DKK2: variants seen among roughly 807,000 people sequenced by gnomAD.
The protein encoded by DKK2 is dickkopf Wnt signaling pathway inhibitor 2.
A neutral mutation model predicts 28.1 loss-of-function variants in DKK2; 11 were observed. The observed-to-expected ratio is 0.39, with a 90% CI of 0.25 to 0.65. The LOEUF is 0.65. Ranked by LOEUF, DKK2 falls within the 30% of genes least tolerant of loss-of-function variation. The pLI, the probability that DKK2 is intolerant of heterozygous loss-of-function variation, is 0.47. For synonymous variants in DKK2, 135 were observed against 126.5 expected, an observed-to-expected ratio of 1.07 and a Z score of -0.45; for missense variants, 326 against 335.5, an observed-to-expected ratio of 0.97 and a Z score of 0.22.
intron 1 of DKK2, among the ~76,000 whole-genome samples, chr4:107,031,904 T>C (rs1260637855): frequency 6.6e-6 from 1 of 151,952 alleles, no homozygotes; most frequent in Admixed American, 6.5e-5. Flanking sequence ...AGAGATAGTA[T>C]CGAGAAATGG....
intron 1 of DKK2, among the ~76,000 whole-genome samples, chr4:106,979,280 G>A (rs565451892): frequency 6.6e-6 from 1 of 151,930 alleles, no homozygotes; most frequent in Non-Finnish European, 1.5e-5. Flanking sequence ...ACCACACAAG[G>A]TACATACTGC....
At position 106,966,591 on chromosome 4, in the gene DKK2, C is replaced by G. The variant is rs144788053; in HGVS notation, c.223-40642G>C. ...GTTATAAGCCCCTGGGTTCTCTTTT[C>G]TTTAAACAATAGGCATCTTAATGAA... On this transcript the variant is annotated intron_variant, in intron 1 of 3. Coordinates refer to ENST00000285311, the MANE Select transcript of DKK2 (RefSeq NM_014421.3). 1.2e-3 allele frequency among the ~76,000 whole-genome samples: 188 copies of G among 152,248 alleles called. 1 individual carries two copies. The highest frequency in any genetic ancestry group is 4.4e-3 in the African/African-American group (181 of 41,544).
At chr4:106,957,223 G>A (rs1427845082) in intron 1 of DKK2, among the ~76,000 whole-genome samples, 3 of 151,584 alleles carry the variant, frequency 2.0e-5, no homozygotes, top group Admixed American at 2.0e-4. Flanking sequence ...ACACCAGTTA[G>A]AATGGCAATC....
chr4:106,964,425 A>G (rs1722737091), intron 1 of DKK2, among the ~76,000 whole-genome samples: 1 of 152,142 alleles, frequency 6.6e-6, no homozygotes, highest in South Asian at 2.1e-4. Flanking sequence ...GACAGAAGAA[A>G]TAAGATCTAA....
intron 1 of DKK2, among the ~76,000 whole-genome samples, chr4:106,994,122 C>T (rs1723240166): frequency 6.6e-6 from 1 of 152,214 alleles, no homozygotes; most frequent in Non-Finnish European, 1.5e-5. Flanking sequence ...CCAACAGACA[C>T]TGTATTTAGC....
At position 106,924,626 on chromosome 4, in the gene DKK2, G is replaced by C. The variant is rs1254069801; in HGVS notation, c.448C>G (p.Arg150Gly). ...PALDGTRHRD[R>G]NHGHYSNHDL... The stretch of plus-strand genomic sequence containing the variant: ...TGGTTTGAGTAATGACCGTGGTTTC[G>C]ATCTCTGTGCCGAGTACCATCCAGA... Residue 150 changes from arginine (R) to glycine (G), a missense_variant, in exon 3 of 4, where the codon CGA (arginine) becomes GGA (glycine). By Grantham distance (125) the Arg-to-Gly change is moderately radical (BLOSUM62 -2). Transcript: ENST00000285311. 2 of 1,613,672 alleles carry C rather than the reference G, an allele frequency of 1.2e-6. No individual in the cohort carries two copies. The highest frequency in any genetic ancestry group is 3.3e-5 in the Admixed American group (2 of 59,970).
rs750539004 is a variant in DKK2 at position 107,035,859 on chromosome 4, T to C, written c.-268A>G. 44 of 510,676 alleles carry C rather than the reference T, an allele frequency of 8.6e-5. 1 individual carries two copies. Among genetic ancestry groups the C allele is most frequent in the Non-Finnish European group, 1.4e-4 (41 of 283,120 alleles). 31.6% of individuals were successfully genotyped at this position (510,676 alleles called of 1,614,324 possible). A position where few individuals can be genotyped will look rare whatever the true frequency, so the allele number is the denominator to read the frequency against. Reference sequence around the variant, plus strand: ...GGAAGCAATCAAATGCGAGGCGCTTTCTCGCCAAGGAGGCGTGACCCAAGG... The same window carrying C: ...GGAAGCAATCAAATGCGAGGCGCTTCCTCGCCAAGGAGGCGTGACCCAAGG... On this transcript the variant is annotated 5_prime_UTR_variant, in exon 1 of 4. Transcript: ENST00000285311.
rs1723963455 is a variant in DKK2 at position 107,036,165 on chromosome 4, A to G, written c.-574T>C. On this transcript the variant is annotated 5_prime_UTR_variant, in exon 1 of 4. Transcript: ENST00000285311. Reference sequence around the variant, plus strand: ...ACCGAATCCTCGAGATCTGAAGAGAATCGAGGTCCCCCACACGCGCACTCA... The same window carrying G: ...ACCGAATCCTCGAGATCTGAAGAGAGTCGAGGTCCCCCACACGCGCACTCA... The G allele has an allele frequency of 2.0e-5, 3 of 152,798 alleles. No individual in the cohort carries two copies. The allele number at this position is 152,798 out of a possible 1,614,324, so 9.5% of individuals were successfully genotyped here.
chr4:106,932,392 G>A (rs1034283794), intron 1 of DKK2, among the ~76,000 whole-genome samples: 5 of 152,138 alleles, frequency 3.3e-5, no homozygotes, highest in Non-Finnish European at 5.9e-5. Flanking sequence ...CCTGTTCTCT[G>A]CATGTCATTA....
chr4:106,987,502 ATGGGGC>A (rs1347600582), intron 1 of DKK2, among the ~76,000 whole-genome samples: 2 of 152,156 alleles, frequency 1.3e-5, no homozygotes, highest in African/African-American at 4.8e-5. Flanking sequence ...CTGCAGTTTG[ATGGGGC>A]TGTCAATCAG....
chr4:106,987,861 C>CTCT (rs1047344665), intron 1 of DKK2, among the ~76,000 whole-genome samples: 1 of 147,884 alleles, frequency 6.8e-6, no homozygotes, highest in Non-Finnish European at 1.5e-5. Flanking sequence ...TGATGTTACT[C>CTCT]TCTTCTTTTT....
chr4:107,017,307 C>T (rs964460157), intron 1 of DKK2, among the ~76,000 whole-genome samples: 2 of 151,758 alleles, frequency 1.3e-5, no homozygotes, highest in African/African-American at 4.8e-5. Context: ...GGATAAAATC[C>T]CTTCTGGATA....
intron 1 of DKK2, among the ~76,000 whole-genome samples, chr4:106,943,438 T>G (rs1015493302): frequency 2.0e-5 from 3 of 152,030 alleles, no homozygotes; most frequent in African/African-American, 7.2e-5. Flanking sequence ...AAATACTCAA[T>G]TAAGAACCCA....
At chr4:107,012,825 G>C (rs1229587618) in intron 1 of DKK2, among the ~76,000 whole-genome samples, 1 of 150,980 alleles carries the variant, frequency 6.6e-6, no homozygotes, top group Non-Finnish European at 1.5e-5. Flanking sequence ...CCTCTCCCTT[G>C]ACTCCTATCT....
At chr4:106,931,756 G>T (rs565521813) in intron 1 of DKK2, among the ~76,000 whole-genome samples, 80 of 152,148 alleles carry the variant, frequency 5.3e-4, no homozygotes, top group Non-Finnish European at 1.0e-3. Context: ...AAATATACAA[G>T]TCATCGCAAC....
intron 1 of DKK2, among the ~76,000 whole-genome samples, chr4:106,946,995 A>T (rs1448996776): frequency 1.3e-5 from 2 of 152,094 alleles, no homozygotes; most frequent in Non-Finnish European, 2.9e-5. Context: ...TGTTTAAAAC[A>T]TCCTCACTGC....
At position 106,966,087 on chromosome 4, in the gene DKK2, G is replaced by A. The variant is rs143520262; in HGVS notation, c.223-40138C>T. On this transcript the variant is annotated intron_variant, in intron 1 of 3. Coordinates refer to ENST00000285311, the MANE Select transcript of DKK2 (RefSeq NM_014421.3). ...GCATGTGTCTTTACCGGAACCAGCC[G>A]CTATAAAGTAATTTAAGATTTAAAA... Among the ~76,000 whole-genome samples, 30 of 152,184 alleles carry A rather than the reference G, an allele frequency of 2.0e-4. No individual in the cohort carries two copies. In the East Asian group the frequency reaches 4.4e-3, roughly 22 times the overall value.
At chr4:106,973,884 C>G (rs553593289) in intron 1 of DKK2, among the ~76,000 whole-genome samples, 1 of 152,234 alleles carries the variant, frequency 6.6e-6, no homozygotes, top group Non-Finnish European at 1.5e-5. Flanking sequence ...ACATTTAACT[C>G]TTTAATCCAT....
Position 107,002,788 on chromosome 4 carries a change from G to T in DKK2, c.222+32582C>A, listed in dbSNP as rs114369228. ...AAAGTTCACATCCTGGAATAATGTG[G>T]ATGCTTTTGAATTCAACTGTGACAC... On this transcript the variant is annotated intron_variant, in intron 1 of 3. Coordinates refer to ENST00000285311, the MANE Select transcript of DKK2 (RefSeq NM_014421.3). 5.3e-3 allele frequency among the ~76,000 whole-genome samples: 809 copies of T among 152,276 alleles called. 9 individuals are homozygous for T. The highest frequency in any genetic ancestry group is 0.019 in the African/African-American group (774 of 41,556).
Sources: gnomAD v4.1 joint callset for allele counts (sites outside exome capture counted in the v4.1 genomes callset) on GRCh38, gnomAD v4.1.1 for gene constraint, MANE v1.5 for transcripts, NCBI Gene and HGNC (gene_info 2026-07-23, HGNC 2026-07-21) for gene names.